ZBTB1: variants seen among roughly 807,000 people sequenced by gnomAD.
The protein encoded by ZBTB1 is zinc finger and BTB domain-containing protein 1.
In ZBTB1, 13 loss-of-function variants were observed where a neutral mutation model predicts 51.6. The observed-to-expected ratio is 0.25, with a 90% CI of 0.16 to 0.40. The LOEUF (loss-of-function observed/expected upper bound fraction) is 0.40, where lower values mean the gene tolerates loss of function less well. ZBTB1 is among the 10% of genes least tolerant of loss of function. The pLI, the probability that ZBTB1 is intolerant of heterozygous loss-of-function variation, is 1.00. For synonymous variants in ZBTB1, 240 were observed against 282.2 expected (o/e 0.85, Z 1.50); for missense variants, 567 against 856.5 (o/e 0.66, Z 4.22).
intron 1 of ZBTB1, among the ~76,000 whole-genome samples, chr14:64,516,363 G>A (rs879827018): frequency 2.0e-5 from 3 of 152,212 alleles, no homozygotes; most frequent in Non-Finnish European, 4.4e-5. Context: ...AAGTTACTGT[G>A]CCTAAAATCA....
intron 1 of ZBTB1, among the ~76,000 whole-genome samples, chr14:64,509,284 C>T (rs1316949890): frequency 6.6e-6 from 1 of 152,034 alleles, no homozygotes. Flanking sequence ...GTGGGAGGAA[C>T]GCTTGAGCCT....
downstream of ZBTB1, among the ~76,000 whole-genome samples, chr14:64,525,938 GCCT>G (rs1237629943): frequency 6.6e-6 from 1 of 152,190 alleles, no homozygotes; most frequent in East Asian, 1.9e-4. Context: ...GTCTGCCTCA[GCCT>G]CCTCAGTAGC....
chr14:64,531,901 A>T, exon 3 of ZBTB1: 5 of 1,613,664 alleles, frequency 3.1e-6, no homozygotes, highest in Non-Finnish European at 4.2e-6. Flanking sequence ...GAAGTGAGAG[A>T]TCTGAATTTG....
chr14:64,508,482 C>G lies in ZBTB1; in HGVS notation c.-19+3536C>G, dbSNP rs143133393. On this transcript the variant is annotated intron_variant, in intron 1 of 1. Coordinates refer to ENST00000683701, the MANE Select transcript of ZBTB1 (RefSeq NM_001123329.2). The stretch of plus-strand genomic sequence containing the variant: ...TTTTAGATTCATGAAAAAGGTGACT[C>G]TAGGAGGCTTAGAATGTTCCAAAGG... Among the ~76,000 whole-genome samples the G allele has an allele frequency of 1.9e-3, 293 of 152,192 alleles. 3 individuals carry two copies. The highest frequency in any genetic ancestry group is 6.6e-3 in the African/African-American group (274 of 41,526).
At chr14:64,509,492 G>T (rs1387680707) in intron 1 of ZBTB1, among the ~76,000 whole-genome samples, 2 of 152,110 alleles carry the variant, frequency 1.3e-5, no homozygotes, top group Non-Finnish European at 2.9e-5. Flanking sequence ...ATTTGGGATC[G>T]GGGGAATCTT....
At chr14:64,514,905 A>C (rs2079764984) in intron 1 of ZBTB1, among the ~76,000 whole-genome samples, 1 of 152,208 alleles carries the variant, frequency 6.6e-6, no homozygotes. Flanking sequence ...CTATACCCTG[A>C]TACATTAAAA....
In ZBTB1 at chr14:64,522,128, G is replaced by A; in HGVS notation, c.624G>A (p.Val208=). The change falls in exon 2 of 2, where the codon GTG becomes GTA. Residue 208 remains valine (V), a synonymous_variant. Coordinates refer to ENST00000683701, the MANE Select transcript of ZBTB1 (RefSeq NM_001123329.2). ...AATTATCTACTCCAAAAGAACGTGT[G>A]TCAAGACGCTTTGGGCGGAGTTTTA... ...VSKLSTPKER[V]SRRFGRSFTC... 6.2e-7 allele frequency: 1 copy of A among 1,614,218 alleles called. No homozygotes were observed. Among genetic ancestry groups the A allele is most frequent in the Non-Finnish European group, 8.5e-7 (1 of 1,180,034 alleles).
intron 1 of ZBTB1, among the ~76,000 whole-genome samples, chr14:64,514,698 A>C (rs896892786): frequency 6.6e-6 from 1 of 152,242 alleles, no homozygotes; most frequent in Admixed American, 6.5e-5. Flanking sequence ...ACAGATAAAG[A>C]ATTCAGATTG....
chr14:64,519,533 G>A (rs925432516), intron 1 of ZBTB1, among the ~76,000 whole-genome samples: 1 of 151,060 alleles, frequency 6.6e-6, no homozygotes, highest in Non-Finnish European at 1.5e-5. Flanking sequence ...GAAGCCCGAG[G>A]CAGGAGGATC....
downstream of ZBTB1, among the ~76,000 whole-genome samples, chr14:64,526,791 C>T (rs996853892): frequency 2.0e-5 from 3 of 152,046 alleles, no homozygotes; most frequent in Non-Finnish European, 4.4e-5. Flanking sequence ...TCTGTAGTTC[C>T]GGCTACTCGG....
At position 64,522,148 on chromosome 14, in the gene ZBTB1, G is replaced by A. The variant is rs1415662223; in HGVS notation, c.644G>A (p.Ser215Asn). The change falls in exon 2 of 2, where the codon AGT becomes AAT. Residue 215 changes from serine to asparagine, a missense_variant. Coordinates refer to ENST00000683701, the MANE Select transcript of ZBTB1 (RefSeq NM_001123329.2). ...KERVSRRFGR[S>N]FTCDSCGFGF... ...CGTGTGTCAAGACGCTTTGGGCGGAGTTTTACCTGTGATAGCTGTGGATTT... is the reference window on the plus strand; with the variant it reads ...CGTGTGTCAAGACGCTTTGGGCGGAATTTTACCTGTGATAGCTGTGGATTT... The A allele has an allele frequency of 1.2e-6, 2 of 1,614,216 alleles. No homozygotes were observed. The highest frequency in any genetic ancestry group is 1.7e-6 in the Non-Finnish European group (2 of 1,180,034).
In ZBTB1 at chr14:64,522,661, A is replaced by G; in HGVS notation, c.1157A>G (p.Lys386Arg). Reference protein sequence around the residue: ...EDVSIKKSGRKTLKPRMSVSA... With the variant: ...EDVSIKKSGRRTLKPRMSVSA... ...GTCAGCATAAAAAAAAGTGGTAGGA[A>G]AACTCTAAAACCTCGAATGTCAGTA... The change falls in exon 2 of 2, where the codon AAA (lysine) becomes AGA (arginine). Residue 386 changes from lysine to arginine, a missense_variant. This residue lies in a region of ZBTB1 where 329 missense variants were observed against 406.3 expected (regional missense o/e 0.81). Coordinates refer to ENST00000683701, the MANE Select transcript of ZBTB1 (RefSeq NM_001123329.2). 6.2e-7 allele frequency: 1 copy of G among 1,614,188 alleles called. No homozygotes were observed. Among genetic ancestry groups the G allele is most frequent in the South Asian group, 1.1e-5 (1 of 91,076 alleles).
At position 64,505,971 on chromosome 14, in the gene ZBTB1, G is replaced by A. The variant is rs968811500; in HGVS notation, c.-19+1025G>A. 2.0e-5 allele frequency among the ~76,000 whole-genome samples: 3 copies of A among 152,212 alleles called. No individual in the cohort carries two copies. In the East Asian group the frequency reaches 5.8e-4, roughly 29 times the overall value. On this transcript the variant is annotated intron_variant, in intron 1 of 1. Coordinates refer to ENST00000683701, the MANE Select transcript of ZBTB1 (RefSeq NM_001123329.2). The stretch of plus-strand genomic sequence containing the variant: ...ATGTCTCTGAAGCAGATTTGGTGAA[G>A]GATGCAGGTCTCATAATTTACAGAG...
intron 1 of ZBTB1, among the ~76,000 whole-genome samples, chr14:64,508,320 C>T (rs2079688450): frequency 6.6e-6 from 1 of 151,232 alleles, no homozygotes; most frequent in Admixed American, 6.6e-5. Flanking sequence ...GAGATGAGTT[C>T]CATCCCCACT....
rs1336751259 is a variant in ZBTB1, at chr14:64,523,771, CTT to C, written c.*127_*128del. The C allele has an allele frequency of 1.5e-6, 2 of 1,365,030 alleles. No homozygotes were observed. The highest frequency in any genetic ancestry group is 3.0e-5 in the African/African-American group (2 of 67,616). 84.6% of individuals were successfully genotyped at this position (1,365,030 alleles called of 1,614,324 possible). A position where few individuals can be genotyped will look rare whatever the true frequency, so the allele number is the denominator to read the frequency against. On this transcript the variant is annotated 3_prime_UTR_variant, in exon 2 of 2. Transcript: ENST00000683701. This position sits in a 1 kb window ranked among gnomAD's most constrained non-coding sequence, Gnocchi z 4.5. ...GAAACAAATTTCAAGGCCCTTTTAA[CTT>C]TAATATTTTTGTTTAGGATTTTAAG...
rs536942826 is a variant in ZBTB1, at chr14:64,521,216, A to G, written c.-18-271A>G. 1.5e-3 allele frequency among the ~76,000 whole-genome samples: 231 copies of G among 152,300 alleles called. 1 individual carries two copies. The highest frequency in any genetic ancestry group is 0.01 in the Middle Eastern group (3 of 294). On this transcript the variant is annotated intron_variant, in intron 1 of 1. Coordinates refer to ENST00000683701, the MANE Select transcript of ZBTB1 (RefSeq NM_001123329.2). ...TTTTTTCTGTTCAAATTTAGTGTAC[A>G]TGTTCCCCCCAAGAGTTGTAATGAA...
intron 1 of ZBTB1, among the ~76,000 whole-genome samples, chr14:64,520,238 C>T (rs943883143): frequency 1.3e-5 from 2 of 152,070 alleles, no homozygotes; most frequent in Non-Finnish European, 2.9e-5. Context: ...CTCCTGACCT[C>T]GTGATCCGCC....
chr14:64,526,627 C>A (rs188853474), downstream of ZBTB1, among the ~76,000 whole-genome samples: 1 of 152,184 alleles, frequency 6.6e-6, no homozygotes. Flanking sequence ...ATACAACTTG[C>A]ATGTTCTACG....
chr14:64,514,179 C>G (rs1419956524), intron 1 of ZBTB1: 3 of 152,148 alleles, frequency 2.0e-5, no homozygotes, highest in African/African-American at 7.2e-5. Flanking sequence ...CTGTAATCCT[C>G]AAATCCATAT....
Sources: allele counts gnomAD v4.1 joint callset (sites outside exome capture counted in the v4.1 genomes callset), GRCh38; gene constraint gnomAD v4.1.1; regional missense constraint gnomAD v4.1.1; non-coding constraint Gnocchi (gnomAD v3.1); transcripts MANE v1.5; gene names NCBI Gene and HGNC (gene_info 2026-07-23, HGNC 2026-07-21).